SCLT1: variants seen among roughly 807,000 people sequenced by gnomAD.
The protein encoded by SCLT1 is sodium channel-associated protein 1.
SCLT1 carries 78 observed loss-of-function variants against 112.8 expected under a neutral mutation model. That is an observed-to-expected ratio of 0.69 (90% CI 0.58 to 0.83). The LOEUF (loss-of-function observed/expected upper bound fraction) is 0.83, where lower values mean the gene tolerates loss of function less well. Among genes scored for constraint, SCLT1 ranks in the 40% least tolerant of loss-of-function variants. The probability of loss-of-function intolerance (pLI) is 0.00; values close to 1 mark genes in which losing one functional copy is unlikely to be tolerated. For missense variants in SCLT1, 747 were observed against 770.4 expected, an observed-to-expected ratio of 0.97 and a Z score of 0.36; for synonymous variants, 257 against 254.7, an observed-to-expected ratio of 1.01 and a Z score of -0.09.
downstream of SCLT1, among the ~76,000 whole-genome samples, chr4:128,881,969 A>G (rs1343839994): frequency 6.6e-6 from 1 of 152,316 alleles, no homozygotes; most frequent in East Asian, 1.9e-4. Flanking sequence ...CCAAGAGAAG[A>G]TGGGTTATCA....
chr4:129,055,826 A>AC (rs928381845), intron 2 of SCLT1, among the ~76,000 whole-genome samples: 82 of 149,230 alleles, frequency 5.5e-4, no homozygotes, highest in African/African-American at 2.0e-3. Context: ...CATAAAAAAA[A>AC]AAAAACAAAA....
rs1751556094 is a variant in SCLT1, at chr4:129,077,364, A to G, written c.102+4942T>C. ...ATTTAACACAACTTCTGGCAATTTT[A>G]TGGCACCCAATGTAAGGACTTTAGG... On this transcript the variant is annotated intron_variant, in intron 2 of 20. Coordinates refer to ENST00000281142, the MANE Select transcript of SCLT1 (RefSeq NM_144643.4). 3.3e-5 allele frequency among the ~76,000 whole-genome samples: 5 copies of G among 152,206 alleles called. No homozygotes were observed. In the South Asian group the frequency reaches 6.2e-4, roughly 19 times the overall value.
intron 18 of SCLT1, among the ~76,000 whole-genome samples, chr4:128,926,551 G>A (rs1293406104): frequency 2.6e-5 from 4 of 151,782 alleles, no homozygotes; most frequent in Non-Finnish European, 5.9e-5. Flanking sequence ...CTTTACCAAA[G>A]GAACTTCTGA....
chr4:128,922,843 A>G (rs1192686474), intron 18 of SCLT1, among the ~76,000 whole-genome samples: 1 of 152,198 alleles, frequency 6.6e-6, no homozygotes, highest in Admixed American at 6.5e-5. Flanking sequence ...ACAACAGCAA[A>G]TTGAACATTA....
At chr4:128,936,934 T>C (rs1737239204) in intron 17 of SCLT1, 83 bp from the exon 18 acceptor site, 1 of 571,956 alleles carries the variant, frequency 1.7e-6, no homozygotes. Context: ...AAAGGAATCA[T>C]TCATTATGTT....
intron 15 of SCLT1, among the ~76,000 whole-genome samples, chr4:128,948,024 C>T (rs1275935123): frequency 1.3e-5 from 2 of 151,920 alleles, no homozygotes; most frequent in Non-Finnish European, 2.9e-5. Flanking sequence ...ATACAGCCGC[C>T]CTTGGAAAAG....
chr4:128,975,121 C>G (rs550958930), intron 9 of SCLT1, among the ~76,000 whole-genome samples: 1 of 137,256 alleles, frequency 7.3e-6, no homozygotes, highest in Non-Finnish European at 1.5e-5. Context: ...TCACTGCAAG[C>G]TCCGCCTCCT....
In SCLT1 at chr4:129,028,376, A is replaced by T. The variant is rs536189075; in HGVS notation, c.290+10665T>A. Among the ~76,000 whole-genome samples, 117 of 152,262 alleles carry T rather than the reference A, an allele frequency of 7.7e-4. 2 individuals are homozygous for T. Among genetic ancestry groups the T allele is most frequent in the African/African-American group, 2.7e-3 (113 of 41,548 alleles). The stretch of plus-strand genomic sequence containing the variant: ...AGAGCCCTCAGAAATAACACCGCAT[A>T]TCTACAACTATCTGATCTTTGACAA... On this transcript the variant is annotated intron_variant, in intron 5 of 20. Coordinates refer to ENST00000281142, the MANE Select transcript of SCLT1 (RefSeq NM_144643.4).
At chr4:129,002,398 GAGAAAA>G (rs1297968806) in intron 6 of SCLT1, among the ~76,000 whole-genome samples, 2 of 151,812 alleles carry the variant, frequency 1.3e-5, no homozygotes, top group Non-Finnish European at 2.9e-5. Context: ...ATTACTATGA[GAGAAAA>G]AGAAAAAGTA....
intron 18 of SCLT1, among the ~76,000 whole-genome samples, chr4:128,927,427 TA>T (rs1260127122): frequency 1.3e-5 from 2 of 151,856 alleles, no homozygotes; most frequent in Non-Finnish European, 2.9e-5. Context: ...ACACAAAACT[TA>T]GCCAGCTGTG....
chr4:128,898,133 G>C (rs1337749636), intron 18 of SCLT1, among the ~76,000 whole-genome samples: 1 of 151,958 alleles, frequency 6.6e-6, no homozygotes, highest in Non-Finnish European at 1.5e-5. Context: ...AAGTTAACAA[G>C]GATATCCAGG....
At chr4:128,993,566 A>G (rs1742756669) in intron 8 of SCLT1, among the ~76,000 whole-genome samples, 1 of 152,082 alleles carries the variant, frequency 6.6e-6, no homozygotes, top group African/African-American at 2.4e-5. Context: ...GAGCTCCGCA[A>G]CTGCATCTGA....
At chr4:128,963,734 T>C (rs1163287618) in intron 11 of SCLT1, among the ~76,000 whole-genome samples, 1 of 152,192 alleles carries the variant, frequency 6.6e-6, no homozygotes, top group African/African-American at 2.4e-5. Context: ...TCTTCTCAAA[T>C]CTAATTATTA....
At chr4:128,937,737 C>T (rs1345743901) in intron 17 of SCLT1, among the ~76,000 whole-genome samples, 1 of 152,150 alleles carries the variant, frequency 6.6e-6, no homozygotes, top group African/African-American at 2.4e-5. Flanking sequence ...AAAATGTCTT[C>T]AGTACACTTC....
intron 7 of SCLT1, 116 bp downstream of exon 7, chr4:128,999,556 G>C: frequency 1.7e-6 from 1 of 583,316 alleles, no homozygotes; most frequent in East Asian, 3.0e-5. Context: ...AAATAATAAA[G>C]TGATTAGAAA....
chr4:128,891,222 T>C (rs564059146), intron 18 of SCLT1, 85 bp from the exon 19 acceptor site: 47 of 1,002,164 alleles, frequency 4.7e-5, no homozygotes, highest in Non-Finnish European at 6.8e-5. Context: ...TGTTCATGAT[T>C]TGAACAAAAA....
In SCLT1 at chr4:129,044,019, T is replaced by G. The variant is rs1407377549; in HGVS notation, c.135A>C (p.Thr45=). 2 of 1,565,022 alleles carry G rather than the reference T, an allele frequency of 1.3e-6. No individual in the cohort carries two copies. Among genetic ancestry groups the G allele is most frequent in the East Asian group, 4.5e-5 (2 of 44,292 alleles). The change falls in exon 3 of 21, where the codon ACA becomes ACC. Residue 45 remains threonine, a synonymous_variant. Coordinates refer to ENST00000281142, the MANE Select transcript of SCLT1 (RefSeq NM_144643.4). ...KAVCQGEGDD[T]FENLVFDQSF... The stretch of plus-strand genomic sequence containing the variant: ...TTTGGTCAAATACTAGGTTTTCAAA[T>G]GTGTCGTCTCCTTCTCCTTGGCAGA...
At chr4:129,050,569 T>G (rs1748683232) in intron 2 of SCLT1, among the ~76,000 whole-genome samples, 1 of 152,172 alleles carries the variant, frequency 6.6e-6, no homozygotes, top group Non-Finnish European at 1.5e-5. Flanking sequence ...TCACCCATTT[T>G]TTGATGGGGT....
intron 5 of SCLT1, among the ~76,000 whole-genome samples, chr4:129,033,678 G>A (rs1226345761): frequency 1.3e-5 from 2 of 152,044 alleles, no homozygotes; most frequent in East Asian, 3.9e-4. Context: ...GTCCAGTCCT[G>A]TGCAGCTCTG....
Sources: gnomAD v4.1 joint callset for allele counts (sites outside exome capture counted in the v4.1 genomes callset) on GRCh38, gnomAD v4.1.1 for gene constraint, MANE v1.5 for transcripts, NCBI Gene and HGNC (gene_info 2026-07-23, HGNC 2026-07-21) for gene names.